TMPRSS11A: variants seen among roughly 807,000 people sequenced by gnomAD.
TMPRSS11A encodes transmembrane serine protease 11A.
A neutral mutation model predicts 58.9 loss-of-function variants in TMPRSS11A; 53 were observed. The observed-to-expected ratio is 0.90, with a 90% CI of 0.72 to 1.13. TMPRSS11A has a LOEUF of 1.13. TMPRSS11A is among the 50% of genes most tolerant of loss of function. The pLI is 0.00. For missense variants in TMPRSS11A, 493 were observed against 499.3 expected (o/e 0.99, Z 0.12); for synonymous variants, 167 against 169.8 (o/e 0.98, Z 0.13).
chr4:67,917,842 C>T (rs1471828891), intron 8 of TMPRSS11A, among the ~76,000 whole-genome samples: 1 of 152,084 alleles, frequency 6.6e-6, no homozygotes. Context: ...AAAATCCATC[C>T]AAGAGAGTGC....
At chr4:67,957,916 G>C (rs577834816) in intron 1 of TMPRSS11A, among the ~76,000 whole-genome samples, 1 of 152,276 alleles carries the variant, frequency 6.6e-6, no homozygotes, top group South Asian at 2.1e-4. Context: ...AGTTGCTCCA[G>C]CTGTGACTAA....
chr4:67,918,872 C>G (rs932902693), intron 8 of TMPRSS11A, 101 bp downstream of exon 8: 17 of 1,365,858 alleles, frequency 1.2e-5, no homozygotes, highest in Non-Finnish European at 1.5e-5. Context: ...CTAATCCAAC[C>G]AGACTGTGTG....
chr4:67,944,583 T>C lies in TMPRSS11A; in HGVS notation c.188A>G (p.Asn63Ser), dbSNP rs772307954. The C allele has an allele frequency of 5.0e-6, 8 of 1,612,980 alleles. No homozygotes were observed. In the African/African-American group the frequency reaches 5.3e-5, roughly 11 times the overall value. ...TGTGTTGCTTTGTCCGAAATTGTTA[T>C]TGATTTGTGGATCTAAAATTTTAAA... ...GSFKILDPQINNNFGQSNTYQ... is the reference protein window; with the variant it reads ...GSFKILDPQISNNFGQSNTYQ... The change falls in exon 3 of 10, where the codon AAT (asparagine) becomes AGT (serine). Residue 63 changes from asparagine (N) to serine (S), a missense_variant. Transcript: ENST00000508048.
intron 1 of TMPRSS11A, among the ~76,000 whole-genome samples, chr4:67,955,643 C>G (rs1452695894): frequency 3.9e-5 from 6 of 152,170 alleles, no homozygotes; most frequent in Non-Finnish European, 8.8e-5. Context: ...ATTTAACTGT[C>G]CATGTATCCA....
intron 1 of TMPRSS11A, among the ~76,000 whole-genome samples, chr4:67,962,738 T>C (rs1172662417): frequency 6.6e-6 from 1 of 152,260 alleles, no homozygotes. Context: ...TCTTATTTTT[T>C]CATATTCTTT....
chr4:67,940,963 A>G (rs1386670005), intron 3 of TMPRSS11A, among the ~76,000 whole-genome samples: 1 of 152,094 alleles, frequency 6.6e-6, no homozygotes, highest in Non-Finnish European at 1.5e-5. Context: ...TTTCTGCTGG[A>G]TGCCATGCTT....
intron 3 of TMPRSS11A, among the ~76,000 whole-genome samples, chr4:67,933,104 A>AAC (rs34906854): frequency 0.032 from 4,817 of 150,238 alleles, 95 homozygotes; most frequent in South Asian, 0.052. Context: ...GCATGACTGA[A>AAC]ACACACACAC....
intron 1 of TMPRSS11A, among the ~76,000 whole-genome samples, chr4:67,955,132 G>T: frequency 6.6e-6 from 1 of 152,120 alleles, no homozygotes; most frequent in South Asian, 2.1e-4. Flanking sequence ...GATAGGTAAG[G>T]TGTCAGGAAG....
At chr4:67,927,143 AG>A (rs1433834292) in intron 5 of TMPRSS11A, among the ~76,000 whole-genome samples, 1 of 152,178 alleles carries the variant, frequency 6.6e-6, no homozygotes, top group Non-Finnish European at 1.5e-5. Flanking sequence ...TCTTGGTCTC[AG>A]GACAAGAACT....
At chr4:67,928,852 T>C (rs1427446378) in intron 5 of TMPRSS11A, among the ~76,000 whole-genome samples, 1 of 152,216 alleles carries the variant, frequency 6.6e-6, no homozygotes, top group Non-Finnish European at 1.5e-5. Context: ...CTGAATCTCT[T>C]CTGTAACACT....
At chr4:67,962,498 G>A (rs1721457716) in intron 1 of TMPRSS11A, among the ~76,000 whole-genome samples, 1 of 152,114 alleles carries the variant, frequency 6.6e-6, no homozygotes. Flanking sequence ...TCTAGACCTG[G>A]AGACGTCCCC....
chr4:67,950,992 G>A (rs568552105), intron 1 of TMPRSS11A, among the ~76,000 whole-genome samples: 1 of 152,340 alleles, frequency 6.6e-6, no homozygotes, highest in South Asian at 2.1e-4. Context: ...CATCACCTTT[G>A]GCTGTCACCT....
At chr4:67,942,934 A>G (rs1349319752) in intron 3 of TMPRSS11A, among the ~76,000 whole-genome samples, 6 of 152,228 alleles carry the variant, frequency 3.9e-5, no homozygotes, top group Admixed American at 2.0e-4. Context: ...ATAACACAAA[A>G]TGTAAGTTAA....
At chr4:67,920,456 T>C (rs1337882364) in intron 7 of TMPRSS11A, among the ~76,000 whole-genome samples, 6 of 150,218 alleles carry the variant, frequency 4.0e-5, no homozygotes, top group African/African-American at 1.5e-4. Context: ...ACTGACAAAG[T>C]CTCGAATGTT....
chr4:67,924,229 A>C, intron 5 of TMPRSS11A, 63 bp from the exon 6 acceptor site: 3 of 1,372,974 alleles, frequency 2.2e-6, no homozygotes, highest in Non-Finnish European at 3.1e-6. Flanking sequence ...CTCAATGACC[A>C]GGAATAATCA....
intron 1 of TMPRSS11A, among the ~76,000 whole-genome samples, chr4:67,946,979 ATTTT>A (rs1721031967): frequency 6.6e-6 from 1 of 151,942 alleles, no homozygotes; most frequent in Admixed American, 6.6e-5. Flanking sequence ...TTTGTCTTTT[ATTTT>A]TAAGTATTAT....
chr4:67,919,212 C>CA lies in TMPRSS11A; in HGVS notation c.712dup (p.Trp238LeufsTer4). On this transcript the variant is annotated frameshift_variant, in exon 8 of 10. Coordinates refer to ENST00000508048, the MANE Select transcript of TMPRSS11A (RefSeq NM_001114387.2). LOFTEE classifies it high-confidence loss of function. ...GATTTTTGTTCCAAAACTAACAGTC[C>CA]ATTGATGTGGATTTTTATACCTGGA... is the stretch of plus-strand genomic sequence containing the variant. 1 of 1,613,820 alleles carries CA rather than the reference C, an allele frequency of 6.2e-7. No individual in the cohort carries two copies. Among genetic ancestry groups the CA allele is most frequent in the Non-Finnish European group, 8.5e-7 (1 of 1,179,872 alleles).
chr4:67,933,592 T>C (rs1241832619), intron 3 of TMPRSS11A, among the ~76,000 whole-genome samples: 2 of 152,230 alleles, frequency 1.3e-5, no homozygotes, highest in African/African-American at 4.8e-5. Context: ...TATGTCTTTA[T>C]TGGTACTTAA....
intron 3 of TMPRSS11A, among the ~76,000 whole-genome samples, chr4:67,937,661 G>A (rs1720783181): frequency 6.6e-6 from 1 of 152,082 alleles, no homozygotes; most frequent in African/African-American, 2.4e-5. Flanking sequence ...CCTGTAAAGA[G>A]GAGATAAAAG....
Sources: allele counts gnomAD v4.1 joint callset (sites outside exome capture counted in the v4.1 genomes callset), GRCh38; gene constraint gnomAD v4.1.1; transcripts MANE v1.5; gene names NCBI Gene and HGNC (gene_info 2026-07-23, HGNC 2026-07-21).